The following MTMR14 variants were observed in gnomAD, a reference collection of about 807,000 sequenced individuals.
MTMR14 encodes myotubularin related protein 14, also known as phosphatidylinositol-3,5-bisphosphate 3-phosphatase MTMR14.
In MTMR14, 48 loss-of-function variants were observed where a neutral mutation model predicts 86.3. The observed-to-expected ratio is 0.56, with a 90% confidence interval of 0.44 to 0.71. The LOEUF is 0.71. Ranked by LOEUF, MTMR14 falls within the 30% of genes least tolerant of loss-of-function variation. The probability of loss-of-function intolerance (pLI) is 0.00; values close to 1 mark genes in which losing one functional copy is unlikely to be tolerated. For synonymous variants in MTMR14, 366 were observed against 326.1 expected (o/e 1.12, Z -1.32); for missense variants, 780 against 834.6 (o/e 0.93, Z 0.81).
chr3:9,651,180 C>T (rs1268774514), intron 1 of MTMR14, among the ~76,000 whole-genome samples: 1 of 152,126 alleles, frequency 6.6e-6, no homozygotes, highest in African/African-American at 2.4e-5. Flanking sequence ...TGACTTACTG[C>T]AGCCTCGAAA....
intron 17 of MTMR14, 120 bp from the exon 18 acceptor site, chr3:9,697,591 A>T: frequency 8.9e-7 from 1 of 1,122,024 alleles, no homozygotes. Context: ...ACTTTTGGAG[A>T]CAGTGATTGA....
At chr3:9,662,245 G>A (rs2047983212) in intron 2 of MTMR14, 22 bp from the exon 3 acceptor site, 1 of 1,606,374 alleles carries the variant, frequency 6.2e-7, no homozygotes. Context: ...AGCTTGACCT[G>A]CTTCTCTTGC....
At chr3:9,678,369 T>C (rs937352596) in intron 9 of MTMR14, among the ~76,000 whole-genome samples, 3 of 152,230 alleles carry the variant, frequency 2.0e-5, no homozygotes, top group Admixed American at 1.3e-4. Context: ...TTAGTTACTT[T>C]TACATTTTTC....
chr3:9,683,074 T>C lies in MTMR14; in HGVS notation c.898-104T>C. 1.4e-5 allele frequency: 14 copies of C among 1,003,556 alleles called. No individual in the cohort carries two copies. In the South Asian group the frequency reaches 1.8e-4, roughly 13 times the overall value. 62.2% of individuals were successfully genotyped at this position (1,003,556 alleles called of 1,614,324 possible). A position where few individuals can be genotyped will look rare whatever the true frequency, so the allele number is the denominator to read the frequency against. ...AACCTATGGTCTGTAACCAAGGACC[T>C]TGTGTAGTTGTTGCCCCAGAATAAC... is the stretch of plus-strand genomic sequence containing the variant. On this transcript the variant is annotated intron_variant, in intron 9 of 18. Coordinates refer to ENST00000296003, the MANE Select transcript of MTMR14 (RefSeq NM_001077525.3).
At chr3:9,688,445 C>T (rs1015272987) in intron 14 of MTMR14, among the ~76,000 whole-genome samples, 8 of 152,244 alleles carry the variant, frequency 5.3e-5, no homozygotes, top group African/African-American at 9.6e-5. Flanking sequence ...CTTGAACGCT[C>T]AGGGCACAAG....
intron 13 of MTMR14, among the ~76,000 whole-genome samples, chr3:9,686,777 G>A (rs965556158): frequency 6.6e-6 from 1 of 152,216 alleles, no homozygotes; most frequent in Non-Finnish European, 1.5e-5. Flanking sequence ...GCCAAGTAGG[G>A]ATTTCTCTGA....
chr3:9,653,532 C>T lies in MTMR14; in HGVS notation c.160-89C>T, dbSNP rs73811557. The T allele has an allele frequency of 6.3e-3, 9,748 of 1,541,036 alleles. 349 individuals carry two copies. In the African/African-American group the frequency reaches 0.092, roughly 15 times the overall value. On this transcript the variant is annotated intron_variant, in intron 1 of 18. Coordinates refer to ENST00000296003, the MANE Select transcript of MTMR14 (RefSeq NM_001077525.3). ...AATTATCACCCAGGTACATGTCTTT[C>T]CCAGTGACCTCTTAGGCCATGGACC...
At chr3:9,676,200 A>G (rs896053558) in intron 7 of MTMR14, among the ~76,000 whole-genome samples, 1 of 152,200 alleles carries the variant, frequency 6.6e-6, no homozygotes, top group African/African-American at 2.4e-5. Context: ...GGTGTGGCCA[A>G]AGCCATGTGC....
At chr3:9,679,461 C>T (rs1416630802) in intron 9 of MTMR14, among the ~76,000 whole-genome samples, 1 of 152,214 alleles carries the variant, frequency 6.6e-6, no homozygotes, top group Non-Finnish European at 1.5e-5. Flanking sequence ...ATTTTTTCTC[C>T]TTATGCAGGT....
chr3:9,665,416 A>G (rs540768998), intron 3 of MTMR14, among the ~76,000 whole-genome samples: 14 of 152,342 alleles, frequency 9.2e-5, no homozygotes, highest in African/African-American at 2.9e-4. Context: ...TGGGAGCTAA[A>G]TAGCGGGTAC....
intron 9 of MTMR14, among the ~76,000 whole-genome samples, chr3:9,682,364 C>T (rs553920715): frequency 6.6e-6 from 1 of 152,270 alleles, no homozygotes; most frequent in African/African-American, 2.4e-5. Flanking sequence ...TGGCATGCGT[C>T]ACCCTCTCTG....
rs140686755 is a variant in MTMR14, at chr3:9,697,409, C to T, written c.1614-302C>T. ...TTGTCCTTGCCGTGTTCACTCCCAG[C>T]GCAGGCATGCCCTGGCCCCAGGCTG... On this transcript the variant is annotated intron_variant, in intron 17 of 18. Coordinates refer to ENST00000296003, the MANE Select transcript of MTMR14 (RefSeq NM_001077525.3). Among the ~76,000 whole-genome samples, 27 of 152,266 alleles carry T rather than the reference C, an allele frequency of 1.8e-4. No homozygotes were observed. In the East Asian group the frequency reaches 4.8e-3, roughly 27 times the overall value.
intron 14 of MTMR14, 44 bp from the exon 15 acceptor site, chr3:9,688,652 C>T (rs1375490851): frequency 2.5e-6 from 4 of 1,607,438 alleles, no homozygotes; most frequent in Middle Eastern, 1.7e-4. Context: ...CACAATAAGA[C>T]CCCAGATAGA....
At chr3:9,678,941 A>C (rs139444323) in intron 9 of MTMR14, among the ~76,000 whole-genome samples, 2 of 152,308 alleles carry the variant, frequency 1.3e-5, no homozygotes, top group East Asian at 3.9e-4. Flanking sequence ...GCCAGTGAGC[A>C]ACAGAAAACA....
chr3:9,675,718 T>G (rs1230861790), intron 7 of MTMR14: 1 of 456,922 alleles, frequency 2.2e-6, no homozygotes, highest in South Asian at 1.5e-5. Context: ...ATTTTAATTC[T>G]GTTTCTCACA....
chr3:9,684,505 G>T lies in MTMR14; in HGVS notation c.965-80G>T, dbSNP rs1575042986. 5 of 1,426,156 alleles carry T rather than the reference G, an allele frequency of 3.5e-6. No homozygotes were observed. The East Asian group carries it at 1.1e-4, about 32-fold the overall frequency. The allele number at this position is 1,426,156 out of a possible 1,614,324, so 88.3% of individuals were successfully genotyped here. ...TGGTGGGGCCTGGCTCCCTCCACCA[G>T]GCCAAGCTGGTGGTACTTCCTGCTC... On this transcript the variant is annotated intron_variant, in intron 10 of 18. Coordinates refer to ENST00000296003, the MANE Select transcript of MTMR14 (RefSeq NM_001077525.3).
intron 1 of MTMR14, among the ~76,000 whole-genome samples, chr3:9,651,903 C>T (rs1222579033): frequency 6.6e-6 from 1 of 151,402 alleles, no homozygotes; most frequent in African/African-American, 2.4e-5. Context: ...GTGATCTCGG[C>T]TCACTGCAAC....
chr3:9,650,774 C>T (rs2047234785), intron 1 of MTMR14, among the ~76,000 whole-genome samples: 1 of 151,464 alleles, frequency 6.6e-6, no homozygotes, highest in Non-Finnish European at 1.5e-5. Flanking sequence ...GGGGTGGGAT[C>T]CTGGAATTTG....
chr3:9,688,492 A>G (rs564608712), intron 14 of MTMR14, among the ~76,000 whole-genome samples: 2 of 152,250 alleles, frequency 1.3e-5, no homozygotes, highest in Non-Finnish European at 2.9e-5. Context: ...GCCCTCAGAA[A>G]TCTTCACCTG....
Sources: allele counts gnomAD v4.1 joint callset (sites outside exome capture counted in the v4.1 genomes callset), GRCh38; gene constraint gnomAD v4.1.1; transcripts MANE v1.5; gene names NCBI Gene and HGNC (gene_info 2026-07-23, HGNC 2026-07-21).